The following ERC1 variants were observed in gnomAD, a reference collection of about 807,000 sequenced individuals.
ERC1 encodes the protein RAB6 interacting protein 2.
Under a neutral mutation model 132.0 loss-of-function variants are expected in ERC1, and 56 were observed. That is an observed-to-expected ratio of 0.42 (90% CI 0.34 to 0.53). The LOEUF (loss-of-function observed/expected upper bound fraction) is 0.53, where lower values mean the gene tolerates loss of function less well. Ranked by LOEUF, ERC1 falls within the 20% of genes least tolerant of loss-of-function variation. The pLI is 0.03. For synonymous variants in ERC1, 478 were observed against 476.1 expected, an observed-to-expected ratio of 1.00 and a Z score of -0.05; for missense variants, 1,202 against 1,349.9, an observed-to-expected ratio of 0.89 and a Z score of 1.72.
chr12:1,216,961 A>G (rs1958487697), intron 12 of ERC1, among the ~76,000 whole-genome samples: 1 of 152,192 alleles, frequency 6.6e-6, no homozygotes, highest in South Asian at 2.1e-4. Context: ...CTTACTATGA[A>G]CATTTTACTT....
chr12:1,285,667 A>G (rs993274897), intron 14 of ERC1, among the ~76,000 whole-genome samples: 10 of 152,226 alleles, frequency 6.6e-5, no homozygotes, highest in African/African-American at 2.4e-4. Flanking sequence ...AATTTTTCCT[A>G]CAAATTTCAA....
chr12:1,385,524 T>C (rs565007136), intron 16 of ERC1, among the ~76,000 whole-genome samples: 86 of 152,252 alleles, frequency 5.6e-4, no homozygotes, highest in African/African-American at 2.0e-3. Flanking sequence ...GACCTCGTGA[T>C]AACGCCCGCC....
rs545170044 is a variant in ERC1, at chr12:1,383,699, T to A, written c.2925+11722T>A. Among the ~76,000 whole-genome samples the A allele has an allele frequency of 2.0e-5, 3 of 152,306 alleles. No individual in the cohort carries two copies. In the South Asian group the frequency reaches 6.2e-4, roughly 32 times the overall value. On this transcript the variant is annotated intron_variant, in intron 16 of 18. Coordinates refer to ENST00000360905, the MANE Select transcript of ERC1 (RefSeq NM_178040.4). Reference sequence around the variant, plus strand: ...GCATTCAAGGATAATAGGAGTGGTGTTAAACTAGAATATTAGCTGTCACTG... The same window carrying A: ...GCATTCAAGGATAATAGGAGTGGTGATAAACTAGAATATTAGCTGTCACTG...
intron 7 of ERC1, among the ~76,000 whole-genome samples, chr12:1,126,471 G>C (rs1270155903): frequency 2.0e-5 from 3 of 152,168 alleles, no homozygotes; most frequent in African/African-American, 7.2e-5. Context: ...ATGAAACAGT[G>C]AACTCTAGAT....
chr12:1,102,164 CA>C (rs2154198253), intron 3 of ERC1, among the ~76,000 whole-genome samples: 1 of 151,562 alleles, frequency 6.6e-6, no homozygotes, highest in East Asian at 1.9e-4. Flanking sequence ...CTAGAGTTTG[CA>C]AAGGAGGTGA....
intron 7 of ERC1, among the ~76,000 whole-genome samples, chr12:1,126,714 G>A (rs1009919364): frequency 1.3e-5 from 2 of 152,280 alleles, no homozygotes; most frequent in African/African-American, 4.8e-5. Context: ...TTGAGGCTAG[G>A]TGTGGTGGCT....
chr12:1,243,267 T>C (rs2075949022), intron 13 of ERC1, among the ~76,000 whole-genome samples: 1 of 152,096 alleles, frequency 6.6e-6, no homozygotes, highest in Non-Finnish European at 1.5e-5. Context: ...GCATAGATTA[T>C]CTGCAAATAC....
chr12:1,424,844 TGATAGATAGATAGATAGATCGATAGATA>T (rs2092569513), intron 17 of ERC1, among the ~76,000 whole-genome samples: 24 of 75,686 alleles, frequency 3.2e-4, no homozygotes, highest in Admixed American at 6.9e-4. Flanking sequence ...GATAGATAGA[TGATAGATAGATAGATAGATCGATAGATA>T]GATAGATAGA....
chr12:1,315,446 G>A (rs1202952469), intron 15 of ERC1, among the ~76,000 whole-genome samples: 1 of 151,932 alleles, frequency 6.6e-6, no homozygotes, highest in African/African-American at 2.4e-5. Flanking sequence ...CACCTCCCAG[G>A]TTCAAGCTAT....
At chr12:1,003,366 CA>C (rs1962852703) in intron 1 of ERC1, among the ~76,000 whole-genome samples, 8 of 152,064 alleles carry the variant, frequency 5.3e-5, no homozygotes, top group Admixed American at 5.2e-4. Flanking sequence ...ATTCTAAGAT[CA>C]ATGTTATTTT....
chr12:1,451,735 T>G lies in ERC1; in HGVS notation c.3213+6985T>G, dbSNP rs138065167. 4.0e-3 allele frequency among the ~76,000 whole-genome samples: 615 copies of G among 152,220 alleles called. 4 individuals are homozygous for G. The highest frequency in any genetic ancestry group is 0.014 in the African/African-American group (577 of 41,526). On this transcript the variant is annotated intron_variant, in intron 18 of 18. Transcript: ENST00000360905. Reference sequence around the variant, plus strand: ...TCTATGTTTTATTTGTATGAGGGAGTGTATTTTTATCAACTTCCGTTATGG... The same window carrying G: ...TCTATGTTTTATTTGTATGAGGGAGGGTATTTTTATCAACTTCCGTTATGG...
At chr12:1,287,816 C>G (rs972947457) in intron 14 of ERC1, among the ~76,000 whole-genome samples, 6 of 152,128 alleles carry the variant, frequency 3.9e-5, no homozygotes, top group Non-Finnish European at 8.8e-5. Flanking sequence ...GATTCATGAG[C>G]CAGTTTCTTA....
At chr12:1,017,496 T>A (rs924024437) in intron 1 of ERC1, among the ~76,000 whole-genome samples, 1 of 80,774 alleles carries the variant, frequency 1.2e-5, no homozygotes, top group African/African-American at 6.1e-5. Flanking sequence ...TGTTCTGGTA[T>A]TTTTTTTTTT....
intron 17 of ERC1, among the ~76,000 whole-genome samples, chr12:1,438,954 A>AAAATATATATATATATATATATATATAT (rs1015181197): frequency 7.0e-6 from 1 of 143,490 alleles, no homozygotes; most frequent in African/African-American, 2.6e-5. Flanking sequence ...TTTAAAAAAA[A>AAAATATATATATATATATATATATATAT]ATATATATAT....
intron 11 of ERC1, among the ~76,000 whole-genome samples, chr12:1,189,462 G>A (rs996700951): frequency 1.3e-5 from 2 of 152,156 alleles, no homozygotes; most frequent in Non-Finnish European, 2.9e-5. Context: ...TGGGAGTTAG[G>A]TCTCTGCACT....
intron 8 of ERC1, among the ~76,000 whole-genome samples, chr12:1,178,063 C>A (rs1013780431): frequency 5.3e-5 from 8 of 152,118 alleles, no homozygotes; most frequent in Non-Finnish European, 1.2e-4. Context: ...AGTGGTTCAC[C>A]CATACGATTA....
chr12:1,125,534 G>A (rs984068491), intron 7 of ERC1, among the ~76,000 whole-genome samples: 1 of 151,998 alleles, frequency 6.6e-6, no homozygotes, highest in Non-Finnish European at 1.5e-5. Context: ...CCAAGCAGTC[G>A]GCCGGGCACG....
chr12:1,269,009 G>A (rs540053235), intron 14 of ERC1, among the ~76,000 whole-genome samples: 11 of 152,230 alleles, frequency 7.2e-5, no homozygotes, highest in Non-Finnish European at 1.5e-4. Flanking sequence ...TCAAGCTTAT[G>A]TTCAAGGAAG....
At chr12:1,007,056 T>C (rs1266029666) in intron 1 of ERC1, among the ~76,000 whole-genome samples, 1 of 151,996 alleles carries the variant, frequency 6.6e-6, no homozygotes, top group East Asian at 1.9e-4. Context: ...GTACAGTGTT[T>C]GAGGCACTGT....
Sources: allele counts gnomAD v4.1 joint callset (sites outside exome capture counted in the v4.1 genomes callset), GRCh38; gene constraint gnomAD v4.1.1; transcripts MANE v1.5; gene names NCBI Gene and HGNC (gene_info 2026-07-23, HGNC 2026-07-21).